The following CNOT2 variants were observed in gnomAD, a reference collection of about 807,000 sequenced individuals.
CNOT2 encodes the protein CC chemokine receptor 4-negative regulator of transcription 2.
Under a neutral mutation model 72.1 loss-of-function variants are expected in CNOT2, and 7 were observed. The observed-to-expected ratio is 0.10, with a 90% CI of 0.06 to 0.18. The LOEUF (loss-of-function observed/expected upper bound fraction) is 0.18, where lower values mean the gene tolerates loss of function less well. CNOT2 is among the 10% of genes least tolerant of loss of function. The probability of loss-of-function intolerance (pLI) is 1.00; values close to 1 mark genes in which losing one functional copy is unlikely to be tolerated. For synonymous variants in CNOT2, 196 were observed against 225.6 expected, an observed-to-expected ratio of 0.87 and a Z score of 1.17; for missense variants, 345 against 660.3, an observed-to-expected ratio of 0.52 and a Z score of 5.23.
Position 70,300,847 on chromosome 12 carries a change from T to C in CNOT2, c.49-10048T>C, listed in dbSNP as rs12367807. Among the ~76,000 whole-genome samples, 1,100 of 152,228 alleles carry C rather than the reference T, an allele frequency of 7.2e-3. 3 individuals carry two copies. Among genetic ancestry groups the C allele is most frequent in the Non-Finnish European group, 0.012 (787 of 67,992 alleles). On this transcript the variant is annotated intron_variant, in intron 2 of 15. Coordinates refer to ENST00000229195, the MANE Select transcript of CNOT2 (RefSeq NM_014515.7). ...TTTCACGATATTGATTCTTCCTACG[T>C]ATGAGCATGGAATGTTCTTCCATTT...
At chr12:70,348,113 C>G (rs1329939712) in intron 15 of CNOT2, 7 of 152,150 alleles carry the variant, frequency 4.6e-5, no homozygotes, top group African/African-American at 1.7e-4. Context: ...TACACACACA[C>G]ATGCTGATTA....
intron 1 of CNOT2, among the ~76,000 whole-genome samples, chr12:70,270,921 T>C (rs937156058): frequency 2.0e-5 from 3 of 152,230 alleles, no homozygotes; most frequent in Non-Finnish European, 2.9e-5. Context: ...GAAGGACTTA[T>C]ATAAAGTTCT....
At chr12:70,332,550 A>T (rs1880116264) in intron 6 of CNOT2, 1 of 641,918 alleles carries the variant, frequency 1.6e-6, no homozygotes, top group Non-Finnish European at 2.1e-6. Context: ...TTTTTTAACT[A>T]ATCTGCCTAA....
intron 11 of CNOT2, among the ~76,000 whole-genome samples, chr12:70,340,455 A>G (rs1006625060): frequency 3.9e-5 from 6 of 152,098 alleles, no homozygotes; most frequent in African/African-American, 1.2e-4. Flanking sequence ...TCCCAAACAT[A>G]TGTTTCCATT....
intron 2 of CNOT2, among the ~76,000 whole-genome samples, chr12:70,288,176 T>G (rs1428930604): frequency 7.7e-6 from 1 of 129,096 alleles, no homozygotes. Flanking sequence ...GGAGTTTCGC[T>G]CTTGTTGCCT....
chr12:70,294,336 T>C (rs1196396438), intron 2 of CNOT2: 3 of 1,271,468 alleles, frequency 2.4e-6, no homozygotes, highest in African/African-American at 1.5e-5. Context: ...AATGGTACTG[T>C]CATCAGTATT....
intron 1 of CNOT2, among the ~76,000 whole-genome samples, chr12:70,260,113 C>T (rs1307493627): frequency 1.3e-5 from 2 of 152,052 alleles, no homozygotes; most frequent in Non-Finnish European, 1.5e-5. Context: ...TGTTCTTTTT[C>T]GAGATTGTTT....
Position 70,253,310 on chromosome 12 carries a change from T to C in CNOT2, c.-96+9830T>C, listed in dbSNP as rs75911380. 2.1e-3 allele frequency among the ~76,000 whole-genome samples: 322 copies of C among 152,300 alleles called. 3 individuals carry two copies. Among genetic ancestry groups the C allele is most frequent in the African/African-American group, 7.5e-3 (312 of 41,558 alleles). On this transcript the variant is annotated intron_variant, in intron 1 of 15. Transcript: ENST00000229195. ...CTTCCTTAAAATTAATAAAATATTT[T>C]CTTCCCTTAAGTGTATTTAGTAGGT...
rs1349979035 is a variant in CNOT2 at position 70,354,876 on chromosome 12, T to G, written c.*961T>G. 6.6e-6 allele frequency: 1 copy of G among 152,558 alleles called. No individual in the cohort carries two copies. Among genetic ancestry groups the G allele is most frequent in the Non-Finnish European group, 1.5e-5 (1 of 68,008 alleles). 9.5% of individuals were successfully genotyped at this position (152,558 alleles called of 1,614,324 possible). ...ACTTAAAAGAAGTGAACTGAGACAA[T>G]TCACTCTGGCTGTTTGAACAGCAGC... On this transcript the variant is annotated 3_prime_UTR_variant, in exon 16 of 16. Transcript: ENST00000229195.
chr12:70,307,554 TGTC>T (rs1875648058), intron 2 of CNOT2: 1 of 151,534 alleles, frequency 6.6e-6, no homozygotes, highest in Non-Finnish European at 1.5e-5. Context: ...TGCACATGAC[TGTC>T]GTTTATTAAA....
chr12:70,249,834 A>C (rs960397073), intron 1 of CNOT2, among the ~76,000 whole-genome samples: 1 of 152,118 alleles, frequency 6.6e-6, no homozygotes, highest in African/African-American at 2.4e-5. Flanking sequence ...GCTACACTTT[A>C]CATATTATTG....
At chr12:70,323,065 T>A (rs1878541640) in intron 4 of CNOT2, 1 of 151,556 alleles carries the variant, frequency 6.6e-6, no homozygotes, top group African/African-American at 2.4e-5. Flanking sequence ...TCTATACCAT[T>A]CTCCTTGAGG....
intron 15 of CNOT2, among the ~76,000 whole-genome samples, chr12:70,351,618 A>G (rs376199466): frequency 2.1e-4 from 32 of 152,332 alleles, no homozygotes; most frequent in African/African-American, 7.5e-4. Flanking sequence ...ATTCCTAGTC[A>G]TACATTGTAG....
At position 70,299,714 on chromosome 12, in the gene CNOT2, T is replaced by C. The variant is rs957406053; in HGVS notation, c.49-11181T>C. ...TGCATGTGTCTTTATAGTAGCATGA[T>C]TTATAATCCTTTGGGTATATACCCA... On this transcript the variant is annotated intron_variant, in intron 2 of 15. Coordinates refer to ENST00000229195, the MANE Select transcript of CNOT2 (RefSeq NM_014515.7). Among the ~76,000 whole-genome samples, 11 of 152,186 alleles carry C rather than the reference T, an allele frequency of 7.2e-5. 1 individual carries two copies. The highest frequency in any genetic ancestry group is 2.2e-4 in the African/African-American group (9 of 41,452).
At chr12:70,304,763 C>T (rs976500299) in intron 2 of CNOT2, among the ~76,000 whole-genome samples, 2 of 152,344 alleles carry the variant, frequency 1.3e-5, no homozygotes, top group Admixed American at 6.5e-5. Context: ...CTGTGCCCTG[C>T]CCCCAGAGGT....
At chr12:70,349,529 G>A (rs960036600) in intron 15 of CNOT2, among the ~76,000 whole-genome samples, 1 of 152,144 alleles carries the variant, frequency 6.6e-6, no homozygotes, top group Non-Finnish European at 1.5e-5. Flanking sequence ...ATAATATTTT[G>A]TATGAGCATT....
Sources: gnomAD v4.1 joint callset for allele counts (sites outside exome capture counted in the v4.1 genomes callset) on GRCh38, gnomAD v4.1.1 for gene constraint, MANE v1.5 for transcripts, NCBI Gene and HGNC (gene_info 2026-07-23, HGNC 2026-07-21) for gene names.